The following GTF2IRD1 variants were observed in gnomAD, a reference collection of about 807,000 sequenced individuals.
GTF2IRD1 encodes general transcription factor II-I repeat domain-containing protein 1.
In GTF2IRD1, 26 loss-of-function variants were observed where a neutral mutation model predicts 113.2. The observed-to-expected ratio is 0.23, with a 90% CI of 0.17 to 0.32. The LOEUF (loss-of-function observed/expected upper bound fraction) is 0.32, where lower values mean the gene tolerates loss of function less well. Ranked by LOEUF, GTF2IRD1 falls within the 10% of genes least tolerant of loss-of-function variation. The pLI, the probability that GTF2IRD1 is intolerant of heterozygous loss-of-function variation, is 1.00. For synonymous variants in GTF2IRD1, 484 were observed against 529.1 expected (o/e 0.91, Z 1.17); for missense variants, 864 against 1,280.8 (o/e 0.67, Z 4.97).
chr7:74,475,096 A>G (rs1794326639), intron 1 of GTF2IRD1, among the ~76,000 whole-genome samples: 1 of 152,192 alleles, frequency 6.6e-6, no homozygotes, highest in Non-Finnish European at 1.5e-5. Flanking sequence ...CTCTACAAAA[A>G]ATAAAATAAG....
chr7:74,483,344 C>A, intron 1 of GTF2IRD1, among the ~76,000 whole-genome samples: 1 of 151,766 alleles, frequency 6.6e-6, no homozygotes, highest in East Asian at 1.9e-4. Context: ...TTGAGCCCAG[C>A]CTGGGCAACA....
intron 1 of GTF2IRD1, chr7:74,487,437 C>A (rs1554335778): frequency 6.6e-6 from 1 of 152,164 alleles, no homozygotes; most frequent in African/African-American, 2.4e-5. Flanking sequence ...AAGTGTAACA[C>A]CTGTTTTTTG....
At chr7:74,489,218 T>C (rs1795191289) in intron 1 of GTF2IRD1, among the ~76,000 whole-genome samples, 1 of 152,176 alleles carries the variant, frequency 6.6e-6, no homozygotes, top group African/African-American at 2.4e-5. Context: ...AGGACCAAGT[T>C]CTTCCACGAG....
chr7:74,531,180 G>A (rs935065024), intron 9 of GTF2IRD1, among the ~76,000 whole-genome samples: 3 of 152,082 alleles, frequency 2.0e-5, no homozygotes, highest in South Asian at 2.1e-4. Context: ...AGACCAGCCC[G>A]GCCAACATGG....
intron 1 of GTF2IRD1, among the ~76,000 whole-genome samples, chr7:74,477,837 C>A: frequency 6.6e-6 from 1 of 152,224 alleles, no homozygotes; most frequent in South Asian, 2.1e-4. Flanking sequence ...GGCTTTTTTC[C>A]GTCCAGCCTT....
rs1802665936 is a variant in GTF2IRD1 at position 74,600,219 on chromosome 7, T to C, written c.2630-825T>C. On this transcript the variant is annotated intron_variant, in intron 25 of 26. Coordinates refer to ENST00000424337, the MANE Select transcript of GTF2IRD1 (RefSeq NM_005685.4). ...CTGAGGCAGGAGGATTGCTTGAGGTTGGGAATTGGAGACCAGCCTGGGCAA... is the reference window on the plus strand; with the variant it reads ...CTGAGGCAGGAGGATTGCTTGAGGTCGGGAATTGGAGACCAGCCTGGGCAA... 2.6e-5 allele frequency among the ~76,000 whole-genome samples: 4 copies of C among 151,958 alleles called. No individual in the cohort carries two copies. The South Asian group carries it at 8.3e-4, about 32-fold the overall frequency.
At chr7:74,583,824 ATACTACAAG>A (rs1801568801) in intron 22 of GTF2IRD1, among the ~76,000 whole-genome samples, 1 of 152,106 alleles carries the variant, frequency 6.6e-6, no homozygotes, top group Admixed American at 6.6e-5. Context: ...AAATCACAGG[ATACTACAAG>A]TTTCCTTGTG....
rs587677277 is a variant in GTF2IRD1, at chr7:74,589,736, C to T, written c.2321-115C>T. ...AAAAAACAGCTATATAGGAGTGGGT[C>T]GGCCCTGCAGAGAATGTAATGTTTT... On this transcript the variant is annotated intron_variant, in intron 22 of 26. Coordinates refer to ENST00000424337, the MANE Select transcript of GTF2IRD1 (RefSeq NM_005685.4). The T allele has an allele frequency of 5.4e-5, 34 of 634,356 alleles. No homozygotes were observed. The East Asian group carries it at 7.7e-4, about 14-fold the overall frequency. 39.3% of individuals were successfully genotyped at this position (634,356 alleles called of 1,614,324 possible). A position where few individuals can be genotyped will look rare whatever the true frequency, so the allele number is the denominator to read the frequency against.
At chr7:74,482,111 C>G (rs1414399304) in intron 1 of GTF2IRD1, among the ~76,000 whole-genome samples, 1 of 152,032 alleles carries the variant, frequency 6.6e-6, no homozygotes, top group Non-Finnish European at 1.5e-5. Context: ...CTAGGCGGAA[C>G]TGTACCATCT....
chr7:74,588,019 C>T (rs1801821447), intron 22 of GTF2IRD1, among the ~76,000 whole-genome samples: 1 of 152,024 alleles, frequency 6.6e-6, no homozygotes, highest in Non-Finnish European at 1.5e-5. Flanking sequence ...ATGGACCCCA[C>T]TAGGCCCATC....
intron 19 of GTF2IRD1, among the ~76,000 whole-genome samples, chr7:74,557,407 A>G (rs1440451277): frequency 2.6e-5 from 4 of 152,180 alleles, no homozygotes; most frequent in Non-Finnish European, 5.9e-5. Context: ...TTCAAATGTC[A>G]TCAATTAACT....
intron 24 of GTF2IRD1, among the ~76,000 whole-genome samples, chr7:74,593,732 CA>C (rs1554370932): frequency 0.16 from 12,863 of 81,604 alleles, 511 homozygotes; most frequent in Middle Eastern, 0.25. Context: ...GACTCCATCT[CA>C]AAAAAAAAAA....
chr7:74,534,652 C>T (rs1421403977), intron 9 of GTF2IRD1, among the ~76,000 whole-genome samples: 13 of 151,980 alleles, frequency 8.6e-5, no homozygotes, highest in Admixed American at 7.9e-4. Context: ...AGAGACCCCA[C>T]TCCCCTGCTG....
chr7:74,505,557 A>C (rs1394504728), intron 1 of GTF2IRD1, among the ~76,000 whole-genome samples: 2 of 152,090 alleles, frequency 1.3e-5, no homozygotes, highest in African/African-American at 2.4e-5. Flanking sequence ...TAGAGCCTTT[A>C]CCGGAAGGAG....
At chr7:74,572,244 C>G (rs1554362858) in intron 22 of GTF2IRD1, among the ~76,000 whole-genome samples, 1 of 152,142 alleles carries the variant, frequency 6.6e-6, no homozygotes, top group Non-Finnish European at 1.5e-5. Flanking sequence ...GCGGCAGGCA[C>G]AGGAACAGGT....
At chr7:74,504,079 G>A (rs782379453) in intron 1 of GTF2IRD1, among the ~76,000 whole-genome samples, 16 of 152,316 alleles carry the variant, frequency 1.1e-4, no homozygotes, top group Middle Eastern at 6.8e-3. Flanking sequence ...TTGCCGCAAA[G>A]GACATGATTT....
chr7:74,565,178 C>A (rs1800222817), intron 22 of GTF2IRD1, among the ~76,000 whole-genome samples: 2 of 152,206 alleles, frequency 1.3e-5, no homozygotes, highest in Admixed American at 1.3e-4. Context: ...TAGCTGGTAG[C>A]TCTATACTGC....
rs1796248005 is a variant in GTF2IRD1 at position 74,505,395 on chromosome 7, C to T, written c.-6-2680C>T. Among the ~76,000 whole-genome samples the T allele has an allele frequency of 1.3e-5, 2 of 152,260 alleles. 1 individual carries two copies. Among genetic ancestry groups the T allele is most frequent in the Non-Finnish European group, 2.9e-5 (2 of 68,018 alleles). On this transcript the variant is annotated intron_variant, in intron 1 of 26. Coordinates refer to ENST00000424337, the MANE Select transcript of GTF2IRD1 (RefSeq NM_005685.4). ...GGAGTGGCTGTCTCTCTCCATGCTC[C>T]CCAAGTGCACCCACCTGGGCTGTGG...
At chr7:74,581,657 G>T (rs1801427296) in intron 22 of GTF2IRD1, among the ~76,000 whole-genome samples, 1 of 152,222 alleles carries the variant, frequency 6.6e-6, no homozygotes, top group Non-Finnish European at 1.5e-5. Flanking sequence ...GGTGGTGGTG[G>T]CAGGAGCCTG....
Sources: allele counts gnomAD v4.1 joint callset (sites outside exome capture counted in the v4.1 genomes callset), GRCh38; gene constraint gnomAD v4.1.1; transcripts MANE v1.5; gene names NCBI Gene and HGNC (gene_info 2026-07-23, HGNC 2026-07-21).